Variants in RANBP17 observed in about 807,000 individuals in gnomAD.
RANBP17 encodes ran-binding protein 17.
RANBP17 carries 158 observed loss-of-function variants against 141.2 expected under a neutral mutation model. The observed-to-expected ratio is 1.12, with a 90% confidence interval of 0.98 to 1.28. The LOEUF is 1.28. RANBP17 is among the 50% of genes most tolerant of loss of function. RANBP17 has a pLI of 0.00. For missense variants in RANBP17, 1,438 were observed against 1,290.7 expected (o/e 1.11, Z -1.75); for synonymous variants, 430 against 450.0 (o/e 0.96, Z 0.56).
chr5:171,163,415 C>G (rs1386709685), intron 14 of RANBP17, among the ~76,000 whole-genome samples: 1 of 152,134 alleles, frequency 6.6e-6, no homozygotes, highest in African/African-American at 2.4e-5. Context: ...TGGTTTAGAT[C>G]CAAGTCATTA....
intron 14 of RANBP17, among the ~76,000 whole-genome samples, chr5:171,146,558 C>G (rs2339232): frequency 2.0e-5 from 3 of 151,878 alleles, no homozygotes; most frequent in African/African-American, 4.8e-5. Flanking sequence ...CAAAAAAAAA[C>G]GGTATGTAAT....
intron 14 of RANBP17, among the ~76,000 whole-genome samples, chr5:171,026,390 A>G (rs536540859): frequency 1.3e-5 from 2 of 152,234 alleles, no homozygotes; most frequent in Non-Finnish European, 2.9e-5. Context: ...ATCTTTCTCT[A>G]TATGCTCTTA....
intron 14 of RANBP17, among the ~76,000 whole-genome samples, chr5:171,169,120 T>C (rs1432226635): frequency 6.6e-6 from 1 of 152,136 alleles, no homozygotes; most frequent in Non-Finnish European, 1.5e-5. Flanking sequence ...CTCTGGGTGA[T>C]TTGTGTTGCC....
chr5:171,032,489 T>C (rs1304352327), intron 14 of RANBP17, among the ~76,000 whole-genome samples: 22 of 152,130 alleles, frequency 1.4e-4, no homozygotes, highest in Admixed American at 1.4e-3. Context: ...TAAACATTGA[T>C]TTAGAGGACT....
At chr5:171,147,267 T>C (rs563046408) in intron 14 of RANBP17, among the ~76,000 whole-genome samples, 2 of 151,732 alleles carry the variant, frequency 1.3e-5, no homozygotes, top group Non-Finnish European at 1.5e-5. Flanking sequence ...TGCTATTATT[T>C]TGTGCTGAAG....
At chr5:170,952,129 G>A (rs1370334279) in intron 12 of RANBP17, among the ~76,000 whole-genome samples, 2 of 152,024 alleles carry the variant, frequency 1.3e-5, no homozygotes, top group Non-Finnish European at 2.9e-5. Context: ...TACAGAGAAA[G>A]CAGGGTCATC....
At chr5:171,181,088 A>C in intron 16 of RANBP17, among the ~76,000 whole-genome samples, 1 of 152,174 alleles carries the variant, frequency 6.6e-6, no homozygotes, top group East Asian at 1.9e-4. Flanking sequence ...GCAGGTCTTC[A>C]GCCCAGTGAC....
At chr5:170,917,530 T>G (rs1772074983) in intron 9 of RANBP17, among the ~76,000 whole-genome samples, 1 of 152,164 alleles carries the variant, frequency 6.6e-6, no homozygotes, top group East Asian at 1.9e-4. Context: ...ATTCTCTTGG[T>G]TATTAATAAA....
intron 25 of RANBP17, among the ~76,000 whole-genome samples, chr5:171,289,078 C>A (rs1217565229): frequency 1.3e-5 from 2 of 152,162 alleles, no homozygotes; most frequent in Admixed American, 1.3e-4. Flanking sequence ...TTCATTCATC[C>A]TTTTGCATTT....
At chr5:170,966,341 C>T (rs1323729380) in intron 13 of RANBP17, among the ~76,000 whole-genome samples, 1 of 152,112 alleles carries the variant, frequency 6.6e-6, no homozygotes, top group Non-Finnish European at 1.5e-5. Flanking sequence ...AAAGCTTATC[C>T]ACCATGATCA....
At chr5:171,155,157 A>G (rs891551766) in intron 14 of RANBP17, among the ~76,000 whole-genome samples, 1 of 147,460 alleles carries the variant, frequency 6.8e-6, no homozygotes, top group Non-Finnish European at 1.5e-5. Flanking sequence ...ACATATATGT[A>G]TATATATGGA....
At chr5:171,186,306 A>G (rs1241130692) in intron 18 of RANBP17, among the ~76,000 whole-genome samples, 5 of 152,152 alleles carry the variant, frequency 3.3e-5, no homozygotes, top group African/African-American at 1.2e-4. Context: ...CTAGATCTTC[A>G]GTATAACTCA....
At chr5:171,226,718 A>G (rs570257720) in intron 22 of RANBP17, among the ~76,000 whole-genome samples, 36 of 152,300 alleles carry the variant, frequency 2.4e-4, no homozygotes, top group African/African-American at 7.7e-4. Flanking sequence ...CCACCCAGCT[A>G]TGTAGTTACA....
intron 24 of RANBP17, chr5:171,251,834 C>T: frequency 7.7e-7 from 1 of 1,291,000 alleles, no homozygotes; most frequent in Non-Finnish European, 1.1e-6. Flanking sequence ...ATGACAGTCT[C>T]CAAATTCGCT....
chr5:170,953,896 A>T (rs552954784), intron 13 of RANBP17, among the ~76,000 whole-genome samples, 194 bp downstream of exon 13: 4 of 152,270 alleles, frequency 2.6e-5, no homozygotes, highest in Middle Eastern at 6.8e-3. Flanking sequence ...TAAGTGATAG[A>T]CTCAAAATAT....
chr5:171,168,766 TG>T (rs1274650426), intron 14 of RANBP17, among the ~76,000 whole-genome samples: 1 of 152,166 alleles, frequency 6.6e-6, no homozygotes, highest in Non-Finnish European at 1.5e-5. Flanking sequence ...ATCACTGAAA[TG>T]CTTTTCTGTA....
intron 12 of RANBP17, among the ~76,000 whole-genome samples, chr5:170,950,894 A>G (rs1775159251): frequency 6.6e-6 from 1 of 152,178 alleles, no homozygotes; most frequent in South Asian, 2.1e-4. Flanking sequence ...CCGTTAGGCC[A>G]TAAGAAAGAA....
chr5:170,976,813 A>G (rs1777407970), intron 14 of RANBP17, among the ~76,000 whole-genome samples: 1 of 152,136 alleles, frequency 6.6e-6, no homozygotes, highest in Non-Finnish European at 1.5e-5. Flanking sequence ...ATTCACATTC[A>G]AAAGAATGAA....
chr5:171,200,049 G>A (rs971535869), intron 19 of RANBP17, among the ~76,000 whole-genome samples: 16 of 152,102 alleles, frequency 1.1e-4, no homozygotes, highest in African/African-American at 3.9e-4. Flanking sequence ...GATATTTCTT[G>A]TGGGTACACC....
Sources: gnomAD v4.1 joint callset for allele counts (sites outside exome capture counted in the v4.1 genomes callset) on GRCh38, gnomAD v4.1.1 for gene constraint, MANE v1.5 for transcripts, NCBI Gene and HGNC (gene_info 2026-07-23, HGNC 2026-07-21) for gene names.